ANXA8: variants seen among roughly 807,000 people sequenced by gnomAD.
ANXA8 encodes VAC-beta.
A neutral mutation model predicts 26.8 loss-of-function variants in ANXA8; 9 were observed. The observed-to-expected ratio is 0.34, with a 90% CI of 0.20 to 0.59. The LOEUF (loss-of-function observed/expected upper bound fraction) is 0.59. ANXA8 is among the 20% of genes least tolerant of loss of function. The pLI is 0.84. For missense variants in ANXA8, 83 were observed against 238.5 expected (o/e 0.35, Z 4.29); for synonymous variants, 39 against 94.8 (o/e 0.41, Z 3.42).
the ANXA8 span, among the ~76,000 whole-genome samples, chr10:47,587,928 C>G: frequency 6.8e-6 from 1 of 146,022 alleles, no homozygotes; most frequent in Admixed American, 6.6e-5. Flanking sequence ...CTGTTGAAAT[C>G]TTGTGGAAAG....
At chr10:47,644,669 T>C in the ANXA8 span, among the ~76,000 whole-genome samples, 2 of 151,780 alleles carry the variant, frequency 1.3e-5, no homozygotes, top group Non-Finnish European at 2.9e-5. Flanking sequence ...TTTAAGGGTC[T>C]TTCCTATTTA....
chr10:47,645,879 C>T, the ANXA8 span, among the ~76,000 whole-genome samples: 7 of 149,688 alleles, frequency 4.7e-5, no homozygotes, highest in Non-Finnish European at 8.8e-5. Flanking sequence ...TTCTCTTATC[C>T]TCTGATATTG....
At chr10:47,490,012 C>T in the ANXA8 span, among the ~76,000 whole-genome samples, 1 of 150,006 alleles carries the variant, frequency 6.7e-6, no homozygotes, top group Non-Finnish European at 1.5e-5. Context: ...TTGGCCCTGC[C>T]CGGCCTGGAA....
chr10:47,519,422 T>C, the ANXA8 span, among the ~76,000 whole-genome samples: 54 of 119,370 alleles, frequency 4.5e-4, 1 homozygote, highest in African/African-American at 8.9e-4. Flanking sequence ...GAGCCAAGAT[T>C]GTGCCATTGC....
intron 1 of ANXA8, among the ~76,000 whole-genome samples, chr10:47,483,561 C>T (rs1839924435): frequency 7.2e-6 from 1 of 139,170 alleles, no homozygotes; most frequent in South Asian, 2.3e-4. Context: ...CGTGTGTGCA[C>T]CCCATACACA....
the ANXA8 span, among the ~76,000 whole-genome samples, chr10:47,982,030 T>C: frequency 2.7e-5 from 4 of 150,528 alleles, no homozygotes; most frequent in African/African-American, 7.2e-5. Context: ...GGCTCACACC[T>C]GTAATGCCAG....
At chr10:47,484,912 C>T (rs1349801281), upstream of ANXA8, among the ~76,000 whole-genome samples, 11 of 148,172 alleles carry the variant, frequency 7.4e-5, no homozygotes, top group African/African-American at 1.7e-4. Context: ...CTGTAGTAAG[C>T]GTCCTCCCGG....
At chr10:47,687,264 A>ATTTTT in the ANXA8 span, among the ~76,000 whole-genome samples, 5 of 130,904 alleles carry the variant, frequency 3.8e-5, no homozygotes, top group African/African-American at 8.6e-5. Context: ...TCCCACCAAC[A>ATTTTT]TTTTTTTTTT....
the ANXA8 span, among the ~76,000 whole-genome samples, chr10:47,634,092 G>A: frequency 3.8e-5 from 5 of 130,216 alleles, no homozygotes; most frequent in African/African-American, 1.4e-4. Flanking sequence ...ACACCCCCAT[G>A]GGAAAAAGCA....
chr10:47,756,561 C>T, the ANXA8 span, among the ~76,000 whole-genome samples: 1 of 146,998 alleles, frequency 6.8e-6, no homozygotes, highest in Non-Finnish European at 1.5e-5. Context: ...CCTGGGGCCC[C>T]TTAAACACCT....
the ANXA8 span, among the ~76,000 whole-genome samples, chr10:47,693,536 C>T: frequency 5.3e-5 from 8 of 151,654 alleles, no homozygotes; most frequent in African/African-American, 9.7e-5. Context: ...GTGATCCGCC[C>T]GCCTCGGCCT....
the ANXA8 span, among the ~76,000 whole-genome samples, chr10:47,755,250 C>A: frequency 6.6e-6 from 1 of 150,852 alleles, no homozygotes; most frequent in Non-Finnish European, 1.5e-5. Context: ...CCACCGCACC[C>A]AGCCAACCTC....
the ANXA8 span, among the ~76,000 whole-genome samples, chr10:47,665,643 T>G: frequency 2.0e-5 from 3 of 149,512 alleles, no homozygotes; most frequent in African/African-American, 5.1e-5. Context: ...TAATCTCACA[T>G]AAATGCTATT....
the ANXA8 span, among the ~76,000 whole-genome samples, chr10:47,941,467 C>T: frequency 6.8e-6 from 1 of 146,540 alleles, no homozygotes; most frequent in African/African-American, 2.6e-5. Flanking sequence ...TCAGCCTGGC[C>T]AACATGGTGA....
the ANXA8 span, among the ~76,000 whole-genome samples, chr10:47,490,013 C>T: frequency 2.2e-3 from 327 of 150,300 alleles, 4 homozygotes; most frequent in African/African-American, 7.5e-3. Context: ...TGGCCCTGCC[C>T]GGCCTGGAAT....
chr10:47,741,903 C>T, the ANXA8 span, among the ~76,000 whole-genome samples: 2 of 117,434 alleles, frequency 1.7e-5, no homozygotes, highest in African/African-American at 3.0e-5. Context: ...TGCAATGGCA[C>T]GATCTTGGCT....
chr10:47,939,303 C>CAA, the ANXA8 span, among the ~76,000 whole-genome samples: 847 of 81,034 alleles, frequency 0.01, 22 homozygotes, highest in African/African-American at 0.027. Context: ...AACTCTGTCT[C>CAA]AAAAAAAAAA....
chr10:47,957,601 C>G, the ANXA8 span, among the ~76,000 whole-genome samples: 4 of 149,730 alleles, frequency 2.7e-5, 2 homozygotes, highest in African/African-American at 1.0e-4. Flanking sequence ...GCTGCCGTAA[C>G]AAATTGCCAC....
At chr10:47,474,221 C>T (rs1839421451) in intron 8 of ANXA8, 84 bp downstream of exon 8, 9 of 1,509,496 alleles carry the variant, frequency 6.0e-6, no homozygotes, top group Middle Eastern at 2.4e-4. Flanking sequence ...TAACTCTAGA[C>T]TTGACAAGGC....
Sources: allele counts gnomAD v4.1 joint callset (sites outside exome capture counted in the v4.1 genomes callset), GRCh38; gene constraint gnomAD v4.1.1; transcripts MANE v1.5; gene names NCBI Gene and HGNC (gene_info 2026-07-23, HGNC 2026-07-21).